The following UNC93A variants were observed in gnomAD, a reference collection of about 807,000 sequenced individuals.
UNC93A encodes the protein N-acetylglucosamine transporter UNC93A.
Under a neutral mutation model 47.5 loss-of-function variants are expected in UNC93A, and 43 were observed. The observed-to-expected ratio is 0.91, with a 90% confidence interval of 0.71 to 1.17. UNC93A has a LOEUF of 1.17. Among genes scored for constraint, UNC93A ranks in the 50% most tolerant of loss-of-function variants. UNC93A has a pLI of 0.00. For missense variants in UNC93A, 605 were observed against 577.6 expected (o/e 1.05, Z -0.49); for synonymous variants, 280 against 258.0 (o/e 1.09, Z -0.82).
Position 167,285,477 on chromosome 6 carries a change from G to C in UNC93A, c.-51-5962G>C, listed in dbSNP as rs77251635. 5.0e-3 allele frequency among the ~76,000 whole-genome samples: 766 copies of C among 151,860 alleles called. 9 individuals are homozygous for C. Among genetic ancestry groups the C allele is most frequent in the African/African-American group, 0.018 (735 of 41,506 alleles). ...GCCTAAATGATTGGTGATGAGCCGG[G>C]ACTCACACTGCAGTGCCCACATGTG... On this transcript the variant is annotated intron_variant, in intron 1 of 3. Transcript: ENST00000503433.
intron 6 of UNC93A, among the ~76,000 whole-genome samples, chr6:167,307,008 G>A (rs1469740139): frequency 6.6e-6 from 1 of 152,170 alleles, no homozygotes; most frequent in African/African-American, 2.4e-5. Flanking sequence ...GGGGTCTGTG[G>A]CCTCCTCCCT....
chr6:167,298,122 C>A, intron 4 of UNC93A, 52 bp downstream of exon 4: 1 of 1,586,622 alleles, frequency 6.3e-7, no homozygotes, highest in Non-Finnish European at 8.6e-7. Flanking sequence ...AGAGCCAAGC[C>A]TCCTTCCTGG....
intron 7 of UNC93A, among the ~76,000 whole-genome samples, chr6:167,308,163 G>A (rs1361632841): frequency 6.6e-6 from 1 of 152,182 alleles, no homozygotes; most frequent in Non-Finnish European, 1.5e-5. Flanking sequence ...AGGATGATGT[G>A]GTTTTGCTTA....
At chr6:167,314,548 C>G (rs989854350) in intron 7 of UNC93A, among the ~76,000 whole-genome samples, 2 of 152,206 alleles carry the variant, frequency 1.3e-5, no homozygotes, top group African/African-American at 4.8e-5. Context: ...AAATCACAAG[C>G]AGGAAAATCC....
chr6:167,315,122 C>T (rs1778655190), intron 7 of UNC93A, 65 bp from the exon 8 acceptor site: 1 of 1,583,494 alleles, frequency 6.3e-7, no homozygotes, highest in Non-Finnish European at 8.6e-7. Context: ...AAGCTGTGCT[C>T]TTTTCACAAA....
At chr6:167,310,944 G>A (rs569897752) in intron 7 of UNC93A, among the ~76,000 whole-genome samples, 6 of 152,242 alleles carry the variant, frequency 3.9e-5, no homozygotes, top group African/African-American at 1.2e-4. Flanking sequence ...CTTTATACTC[G>A]CAATCGTCAT....
chr6:167,313,505 G>T (rs1250869626), intron 7 of UNC93A, among the ~76,000 whole-genome samples: 1 of 152,038 alleles, frequency 6.6e-6, no homozygotes, highest in Non-Finnish European at 1.5e-5. Flanking sequence ...GGAGATGGTG[G>T]GGGGGCTGGG....
intron 7 of UNC93A, among the ~76,000 whole-genome samples, chr6:167,314,814 A>T (rs1047796068): frequency 1.3e-5 from 2 of 152,158 alleles, no homozygotes; most frequent in African/African-American, 4.8e-5. Context: ...TTTCTGGACA[A>T]AACCAATGCT....
At chr6:167,285,500 G>A (rs562862632) in intron 1 of UNC93A, among the ~76,000 whole-genome samples, 2 of 151,902 alleles carry the variant, frequency 1.3e-5, no homozygotes, top group Non-Finnish European at 1.5e-5. Context: ...GTGCCCACAT[G>A]TGCCTCGATG....
intron 1 of UNC93A, among the ~76,000 whole-genome samples, chr6:167,272,945 C>T (rs1783473259): frequency 6.6e-6 from 1 of 152,100 alleles, no homozygotes; most frequent in Admixed American, 6.5e-5. Context: ...GTGGCCTGAA[C>T]CAGACTCTCA....
chr6:167,307,355 G>A (rs979113468), intron 6 of UNC93A, among the ~76,000 whole-genome samples: 1 of 152,190 alleles, frequency 6.6e-6, no homozygotes, highest in Non-Finnish European at 1.5e-5. Flanking sequence ...CTAAAAAGAC[G>A]ACTTCCAGAG....
At chr6:167,271,669 C>A (rs1235978093) in intron 1 of UNC93A, among the ~76,000 whole-genome samples, 1 of 151,956 alleles carries the variant, frequency 6.6e-6, no homozygotes, top group African/African-American at 2.4e-5. Context: ...TGGCTGAGGT[C>A]CTATAAATTA....
At chr6:167,270,878 G>A (rs1407171437), upstream of UNC93A, among the ~76,000 whole-genome samples, 2 of 152,200 alleles carry the variant, frequency 1.3e-5, no homozygotes, top group African/African-American at 2.4e-5. Context: ...GCAGACTCCC[G>A]GCCTCCAGGC....
intron 1 of UNC93A, among the ~76,000 whole-genome samples, chr6:167,285,336 C>T (rs972133737): frequency 1.3e-5 from 2 of 151,886 alleles, no homozygotes; most frequent in Admixed American, 1.3e-4. Context: ...TGCCATGTAG[C>T]CAGCTGTCTG....
chr6:167,304,393 G>T (rs1778323920), intron 5 of UNC93A, among the ~76,000 whole-genome samples: 1 of 152,204 alleles, frequency 6.6e-6, no homozygotes, highest in Non-Finnish European at 1.5e-5. Context: ...GTCTTCCTGG[G>T]GAAGGAGCCG....
Position 167,298,026 on chromosome 6 carries a change from G to C in UNC93A, c.581G>C (p.Arg194Thr), listed in dbSNP as rs569624810. 8.7e-6 allele frequency: 14 copies of C among 1,613,972 alleles called. 1 individual carries two copies. In the African/African-American group the frequency reaches 1.9e-4, roughly 22 times the overall value. The change falls in exon 4 of 8, where the codon AGG (arginine) becomes ACG (threonine). Residue 194 changes from arginine to threonine, a missense_variant. Physicochemically the swap from Arg to Thr is moderately conservative, Grantham distance 71 (BLOSUM62 -1). Coordinates refer to ENST00000230256, the MANE Select transcript of UNC93A (RefSeq NM_018974.4). ...MATTTTNSTQ[R>T]PSQQLVYTLL... ...ACCACAACCACCAACAGCACCCAGA[G>C]GCCCTCCCAGCAGCTGGTCTACACC...
Position 167,304,113 on chromosome 6 carries a change from C to G in UNC93A, c.820C>G (p.Leu274Val). ...GTACAGTGGATTGCAGCAAGGATTCCTCTCCAGCGAATACACAAGGGTATG... is the reference window on the plus strand; with the variant it reads ...GTACAGTGGATTGCAGCAAGGATTCGTCTCCAGCGAATACACAAGGGTATG... Reference protein sequence around the residue: ...PLYSGLQQGFLSSEYTRSYVT... With the variant: ...PLYSGLQQGFVSSEYTRSYVT... Residue 274 changes from leucine to valine, a missense_variant, in exon 5 of 8, where the codon CTC becomes GTC. Transcript: ENST00000230256. 6.2e-7 allele frequency: 1 copy of G among 1,614,178 alleles called. No individual in the cohort carries two copies. The highest frequency in any genetic ancestry group is 8.5e-7 in the Non-Finnish European group (1 of 1,180,038).
In UNC93A at chr6:167,294,745, C is replaced by T. The variant is rs114273617; in HGVS notation, c.269+47C>T. The T allele has an allele frequency of 9.8e-4, 1,519 of 1,542,580 alleles. 15 individuals are homozygous for T. The African/African-American group carries it at 0.017, about 18-fold the overall frequency. On this transcript the variant is annotated intron_variant, in intron 2 of 7. Coordinates refer to ENST00000230256, the MANE Select transcript of UNC93A (RefSeq NM_018974.4). ...CCCACCCCACCCCGGCCGTTCCCCA[C>T]GCTAGGGACGTTCACTCTGCACATG... is the stretch of plus-strand genomic sequence containing the variant.
At chr6:167,297,835 C>A in intron 3 of UNC93A, 110 bp from the exon 4 acceptor site, 1 of 1,399,386 alleles carries the variant, frequency 7.1e-7, no homozygotes, top group Non-Finnish European at 9.8e-7. Flanking sequence ...GTAGTGATGC[C>A]TCCCCCCAGG....
Sources: allele counts gnomAD v4.1 joint callset (sites outside exome capture counted in the v4.1 genomes callset), GRCh38; gene constraint gnomAD v4.1.1; transcripts MANE v1.5; gene names NCBI Gene and HGNC (gene_info 2026-07-23, HGNC 2026-07-21).